Variants in DPP10 observed in about 807,000 individuals in gnomAD.
The protein encoded by DPP10 is inactive dipeptidyl peptidase 10.
A neutral mutation model predicts 120.9 loss-of-function variants in DPP10; 33 were observed. The observed-to-expected ratio is 0.27, with a 90% confidence interval of 0.21 to 0.37. The LOEUF (loss-of-function observed/expected upper bound fraction) is 0.37. DPP10 is among the 10% of genes least tolerant of loss of function. The probability of loss-of-function intolerance (pLI) is 1.00; values close to 1 mark genes in which losing one functional copy is unlikely to be tolerated. For synonymous variants in DPP10, 337 were observed against 326.1 expected (o/e 1.03, Z -0.36); for missense variants, 816 against 942.8 (o/e 0.87, Z 1.76).
At chr2:115,617,438 A>G (rs1188040456) in intron 5 of DPP10, among the ~76,000 whole-genome samples, 1 of 151,316 alleles carries the variant, frequency 6.6e-6, no homozygotes, top group East Asian at 1.9e-4. Flanking sequence ...AAATATAAAA[A>G]CATTACTTTC....
At chr2:115,154,113 T>TAC (rs148493496) in intron 1 of DPP10, among the ~76,000 whole-genome samples, 5,675 of 152,296 alleles carry the variant, frequency 0.037, 116 homozygotes, top group African/African-American at 0.05. Context: ...GCAGTATATA[T>TAC]AGTCTAGAGG....
At chr2:114,935,155 C>G (rs1375515505) in intron 1 of DPP10, among the ~76,000 whole-genome samples, 1 of 152,106 alleles carries the variant, frequency 6.6e-6, no homozygotes. Context: ...ATTTTCATTC[C>G]TCTACATTTA....
At chr2:115,405,884 A>G (rs1001018220) in intron 3 of DPP10, among the ~76,000 whole-genome samples, 16 of 152,170 alleles carry the variant, frequency 1.1e-4, no homozygotes, top group African/African-American at 1.2e-4. Flanking sequence ...CTCTGGGCCT[A>G]AGATAGGAGA....
rs571923311 is a variant in DPP10, at chr2:115,396,930, C to T, written c.271+53018C>T. 2.4e-4 allele frequency among the ~76,000 whole-genome samples: 37 copies of T among 152,188 alleles called. 1 individual carries two copies. In the South Asian group the frequency reaches 7.7e-3, roughly 32 times the overall value. ...TCTCCTTATTTGAGGAAAGATGCTCCTGTCACGCTGAGTAAACAATAAAAT... is the reference window on the plus strand; with the variant it reads ...TCTCCTTATTTGAGGAAAGATGCTCTTGTCACGCTGAGTAAACAATAAAAT... On this transcript the variant is annotated intron_variant, in intron 3 of 25. Transcript: ENST00000410059.
At chr2:115,404,930 A>T (rs1309429684) in intron 3 of DPP10, among the ~76,000 whole-genome samples, 1 of 152,246 alleles carries the variant, frequency 6.6e-6, no homozygotes, top group African/African-American at 2.4e-5. Flanking sequence ...ACAGTGCCAC[A>T]TTGGGGAACA....
chr2:115,537,456 C>T (rs2078919353), intron 5 of DPP10, among the ~76,000 whole-genome samples: 1 of 151,532 alleles, frequency 6.6e-6, no homozygotes, highest in Non-Finnish European at 1.5e-5. Context: ...AAGCAGTTTT[C>T]TCTATTATAA....
Position 114,648,841 on chromosome 2 carries a change from G to A in DPP10, c.60+206003G>A, listed in dbSNP as rs1220400536. 5.9e-5 allele frequency among the ~76,000 whole-genome samples: 9 copies of A among 152,192 alleles called. 1 individual carries two copies. The highest frequency in any genetic ancestry group is 5.9e-4 in the Admixed American group (9 of 15,282). On this transcript the variant is annotated intron_variant, in intron 1 of 25. Transcript: ENST00000410059. ...ACAAAGTGAGCTATTTTTGATGATAGTGAAGCCACTATCCATTTAAGTAGG... is the reference window on the plus strand; with the variant it reads ...ACAAAGTGAGCTATTTTTGATGATAATGAAGCCACTATCCATTTAAGTAGG...
intron 1 of DPP10, chr2:115,145,106 T>C (rs778659345): frequency 6.6e-6 from 1 of 151,848 alleles, no homozygotes; most frequent in Non-Finnish European, 1.5e-5. Flanking sequence ...TATATACATA[T>C]CCTTTCTTGG....
chr2:114,832,796 G>A (rs1441565092), intron 1 of DPP10, among the ~76,000 whole-genome samples: 5 of 152,022 alleles, frequency 3.3e-5, no homozygotes, highest in African/African-American at 1.2e-4. Flanking sequence ...GCAATGCTAT[G>A]TCTATAGACC....
chr2:114,718,827 G>T (rs542459240), intron 1 of DPP10, among the ~76,000 whole-genome samples: 2 of 152,288 alleles, frequency 1.3e-5, no homozygotes, highest in South Asian at 4.1e-4. Flanking sequence ...CTTATTTTAT[G>T]GTTGTGGAAA....
At chr2:115,840,334 T>G (rs572823350) in intron 24 of DPP10, among the ~76,000 whole-genome samples, 1,773 of 127,634 alleles carry the variant, frequency 0.014, 122 homozygotes, top group African/African-American at 0.047. Context: ...TTTTTTTTTT[T>G]TTTTTTTGAG....
At chr2:115,133,145 G>GTGTGTA (rs1338395575) in intron 1 of DPP10, among the ~76,000 whole-genome samples, 53 of 28,768 alleles carry the variant, frequency 1.8e-3, no homozygotes, top group African/African-American at 4.9e-3. Flanking sequence ...GTGTGTGTGT[G>GTGTGTA]TATATATATA....
At chr2:115,384,897 T>C (rs1401213996) in intron 3 of DPP10, among the ~76,000 whole-genome samples, 1 of 152,204 alleles carries the variant, frequency 6.6e-6, no homozygotes, top group Non-Finnish European at 1.5e-5. Context: ...AGGGACCCAG[T>C]GGGAGATAAT....
intron 4 of DPP10, among the ~76,000 whole-genome samples, chr2:115,521,858 A>C (rs2077831233): frequency 6.6e-6 from 1 of 152,188 alleles, no homozygotes; most frequent in South Asian, 2.1e-4. Context: ...AACAGTAATA[A>C]GCACTGGCAT....
rs576701437 is a variant in DPP10, at chr2:115,674,079, G to C, written c.442-15608G>C. On this transcript the variant is annotated intron_variant, in intron 5 of 25. Coordinates refer to ENST00000410059, the MANE Select transcript of DPP10 (RefSeq NM_020868.6). ...AAACAAAACAAAACAAAACAAACTA[G>C]CTGGGCATGGTGACGCTTGCCTGTA... is the stretch of plus-strand genomic sequence containing the variant. 1.4e-4 allele frequency among the ~76,000 whole-genome samples: 22 copies of C among 152,032 alleles called. No homozygotes were observed. In the East Asian group the frequency reaches 3.9e-3, roughly 27 times the overall value.
chr2:114,653,470 G>T (rs563369234), intron 1 of DPP10, among the ~76,000 whole-genome samples: 59 of 152,264 alleles, frequency 3.9e-4, no homozygotes, highest in African/African-American at 1.4e-3. Context: ...CCAGTTTGTA[G>T]TAATTTGTTA....
intron 1 of DPP10, among the ~76,000 whole-genome samples, chr2:114,567,474 A>G (rs898848351): frequency 6.6e-6 from 1 of 152,194 alleles, no homozygotes; most frequent in African/African-American, 2.4e-5. Flanking sequence ...AGGAGAGGCT[A>G]CATTGCTGAT....
At position 115,042,008 on chromosome 2, in the gene DPP10, CTTTTTTT is replaced by C. The variant is rs5833573; in HGVS notation, c.61-267215_61-267209del. Among the ~76,000 whole-genome samples, 71 of 80,326 alleles carry C rather than the reference CTTTTTTT, an allele frequency of 8.8e-4. No individual in the cohort carries two copies. In the South Asian group the frequency reaches 0.02, roughly 23 times the overall value. 52.7% of individuals were successfully genotyped at this position (80,326 alleles called of 152,430 possible). The stretch of plus-strand genomic sequence containing the variant: ...AAATTAAACTGTTTTTCTATCTTAT[CTTTTTTT>C]TTTTTTTTTTTTTTTGCAATAAGTA... On this transcript the variant is annotated intron_variant, in intron 1 of 25. Transcript: ENST00000410059.
chr2:115,006,012 G>A (rs1008435269), intron 1 of DPP10, among the ~76,000 whole-genome samples: 3 of 152,020 alleles, frequency 2.0e-5, no homozygotes, highest in African/African-American at 7.3e-5. Context: ...GACTAACAGT[G>A]GATCTCTTGG....
Sources: gnomAD v4.1 joint callset for allele counts (sites outside exome capture counted in the v4.1 genomes callset) on GRCh38, gnomAD v4.1.1 for gene constraint, MANE v1.5 for transcripts, NCBI Gene and HGNC (gene_info 2026-07-23, HGNC 2026-07-21) for gene names.